Variants in C6orf132 observed in about 807,000 individuals in gnomAD.
C6orf132 encodes chromosome 6 open reading frame 132.
Under a neutral mutation model 65.3 loss-of-function variants are expected in C6orf132, and 43 were observed. The observed-to-expected ratio is 0.66, with a 90% CI of 0.52 to 0.85. The LOEUF is 0.85. Ranked by LOEUF, C6orf132 falls within the 40% of genes least tolerant of loss-of-function variation. C6orf132 has a pLI of 0.00. For missense variants in C6orf132, 1,488 were observed against 1,548.8 expected, an observed-to-expected ratio of 0.96 and a Z score of 0.66; for synonymous variants, 631 against 654.1, an observed-to-expected ratio of 0.96 and a Z score of 0.54.
intron 2 of C6orf132, among the ~76,000 whole-genome samples, chr6:42,121,061 G>A (rs1766675867): frequency 6.6e-6 from 1 of 152,198 alleles, no homozygotes; most frequent in African/African-American, 2.4e-5. Context: ...CAAGAAGTGT[G>A]TCCCTTTCTT....
At chr6:42,136,282 C>T (rs1766940480) in intron 1 of C6orf132, among the ~76,000 whole-genome samples, 1 of 151,986 alleles carries the variant, frequency 6.6e-6, no homozygotes, top group Non-Finnish European at 1.5e-5. Flanking sequence ...GCTGTTTCCC[C>T]ACCTGTAAAA....
Position 42,102,908 on chromosome 6 carries a change from G to GC in C6orf132, c.*852dup, listed in dbSNP as rs1766315915. ...CCCATATGAGACCTGGCCATGTAAGGCCCCTAGTGTCAAGCCTAAGACTCA... is the reference window on the plus strand; with the variant it reads ...CCCATATGAGACCTGGCCATGTAAGGCCCCCTAGTGTCAAGCCTAAGACTCA... On this transcript the variant is annotated 3_prime_UTR_variant, in exon 5 of 5. Transcript: ENST00000341865. 5.0e-6 allele frequency: 2 copies of GC among 396,970 alleles called. No homozygotes were observed. The highest frequency in any genetic ancestry group is 8.8e-5 in the Admixed American group (2 of 22,684). The allele number at this position is 396,970 out of a possible 1,614,324, so 24.6% of individuals were successfully genotyped here.
chr6:42,135,436 G>A (rs1034848584), intron 1 of C6orf132, among the ~76,000 whole-genome samples: 21 of 152,220 alleles, frequency 1.4e-4, no homozygotes, highest in Admixed American at 1.3e-3. Context: ...AGCTCCGGGC[G>A]AGCTGAGAGC....
chr6:42,108,002 G>C (rs537917217), intron 3 of C6orf132, among the ~76,000 whole-genome samples: 2 of 152,268 alleles, frequency 1.3e-5, no homozygotes, highest in South Asian at 4.1e-4. Flanking sequence ...AGGTCCTGTC[G>C]GGGTGTCCCT....
At chr6:42,118,615 T>G (rs1296807152) in intron 2 of C6orf132, among the ~76,000 whole-genome samples, 1 of 152,210 alleles carries the variant, frequency 6.6e-6, no homozygotes, top group Non-Finnish European at 1.5e-5. Flanking sequence ...AGCGTGCTCC[T>G]GGTGGGCCTG....
intron 2 of C6orf132, among the ~76,000 whole-genome samples, chr6:42,119,196 C>T (rs1390507013): frequency 7.9e-6 from 1 of 125,882 alleles, no homozygotes; most frequent in East Asian, 2.7e-4. Flanking sequence ...TTGCAGTGAG[C>T]TGAGATTGCG....
rs966077790 is a variant in C6orf132, at chr6:42,104,784, G to A, written c.3128C>T (p.Ala1043Val). The change falls in exon 4 of 5, where the codon GCG becomes GTG. Residue 1043 changes from alanine (A) to valine (V), a missense_variant. Coordinates refer to ENST00000341865, the MANE Select transcript of C6orf132 (RefSeq NM_001164446.3). The surrounding 1 kb of genome is among the most constrained non-coding windows in gnomAD (Gnocchi z 4.1). Reference protein sequence around the residue: ...ALGFSRFPAGARYAGAGGLER... With the variant: ...ALGFSRFPAGVRYAGAGGLER... ...CAGGCCCCCAGCCCCGGCGTAGCGC[G>A]CGCCCGCGGGAAAGCGCGAGAAGCC... 1.3e-6 allele frequency: 2 copies of A among 1,501,144 alleles called. No individual in the cohort carries two copies. Among genetic ancestry groups the A allele is most frequent in the Non-Finnish European group, 1.8e-6 (2 of 1,132,274 alleles). 93.0% of individuals were successfully genotyped at this position (1,501,144 alleles called of 1,614,324 possible).
intron 2 of C6orf132, among the ~76,000 whole-genome samples, chr6:42,115,470 C>T (rs1766551563): frequency 6.6e-6 from 1 of 150,904 alleles, no homozygotes; most frequent in Admixed American, 6.6e-5. Flanking sequence ...CACGGCGAAA[C>T]CCCGCCTCTA....
Position 42,127,653 on chromosome 6 carries a change from G to A in C6orf132, c.252+1019C>T, listed in dbSNP as rs146493609. ...ACCCTCATGGAGGCAAGAGGATGCC[G>A]TGACCCCAGTGACAGCATTGTGCCA... On this transcript the variant is annotated intron_variant, in intron 2 of 4. Transcript: ENST00000341865. 1.3e-3 allele frequency among the ~76,000 whole-genome samples: 204 copies of A among 152,260 alleles called. 2 individuals are homozygous for A. The highest frequency in any genetic ancestry group is 4.6e-3 in the African/African-American group (192 of 41,546).
At chr6:42,117,923 C>CAAAAAAAAAAAAAAAAAAAAAAAAAAAAA (rs556142891) in intron 2 of C6orf132, among the ~76,000 whole-genome samples, 1 of 62,320 alleles carries the variant, frequency 1.6e-5, no homozygotes, top group African/African-American at 6.0e-5. Context: ...AACCCTGTCA[C>CAAAAAAAAAAAAAAAAAAAAAAAAAAAAA]AAAAAAAAAA....
intron 1 of C6orf132, among the ~76,000 whole-genome samples, chr6:42,134,190 G>A (rs1306571189): frequency 6.6e-6 from 1 of 152,174 alleles, no homozygotes. Context: ...TTAGAGCCCA[G>A]CTGAACTTGG....
intron 2 of C6orf132, among the ~76,000 whole-genome samples, chr6:42,119,419 A>G (rs1766644008): frequency 7.7e-6 from 1 of 129,380 alleles, no homozygotes; most frequent in Non-Finnish European, 1.5e-5. Context: ...ATTTCGGCTC[A>G]CTGCAAACTC....
At chr6:42,103,969 C>T (rs774705299) in intron 4 of C6orf132, 91 bp from the exon 5 acceptor site, 23 of 886,872 alleles carry the variant, frequency 2.6e-5, no homozygotes, top group Non-Finnish European at 3.4e-5. Flanking sequence ...GGAAAAGATG[C>T]TGCTCATACT....
chr6:42,111,866 A>G (rs1333684455), intron 2 of C6orf132, among the ~76,000 whole-genome samples: 1 of 152,184 alleles, frequency 6.6e-6, no homozygotes, highest in African/African-American at 2.4e-5. Flanking sequence ...CCATATGTCA[A>G]CAAAGTCCAC....
At chr6:42,111,552 G>T (rs543138221) in intron 2 of C6orf132, among the ~76,000 whole-genome samples, 2 of 152,094 alleles carry the variant, frequency 1.3e-5, no homozygotes, top group African/African-American at 4.8e-5. Context: ...AAAGTGCTGG[G>T]ATTACAGGTG....
rs903594200 is a variant in C6orf132 at position 42,101,650 on chromosome 6, A to G, written c.*2111T>C. ...CTGAGAGTCTACGCCCCACCCCTCG[A>G]GCCTTAACATAGCAGATAAATTAAT... On this transcript the variant is annotated 3_prime_UTR_variant, in exon 5 of 5. Transcript: ENST00000341865. The G allele has an allele frequency of 6.6e-6, 1 of 152,172 alleles. No homozygotes were observed. Among genetic ancestry groups the G allele is most frequent in the African/African-American group, 2.4e-5 (1 of 41,418 alleles). The allele number at this position is 152,172 out of a possible 1,614,324, so 9.4% of individuals were successfully genotyped here.
At chr6:42,123,485 AGAAGAAGAAAAG>A (rs1433188102) in intron 2 of C6orf132, among the ~76,000 whole-genome samples, 8 of 139,864 alleles carry the variant, frequency 5.7e-5, no homozygotes, top group Non-Finnish European at 1.1e-4. Flanking sequence ...AAGGAGAAGA[AGAAGAAGAAAAG>A]AAGAAAGAAG....
intron 2 of C6orf132, among the ~76,000 whole-genome samples, chr6:42,110,796 A>G (rs1333722308): frequency 6.6e-6 from 1 of 152,252 alleles, no homozygotes; most frequent in Non-Finnish European, 1.5e-5. Context: ...CCTCTTGTTC[A>G]GCTGGGAACA....
Position 42,124,952 on chromosome 6 carries a change from A to G in C6orf132, c.252+3720T>C, listed in dbSNP as rs1766742320. Among the ~76,000 whole-genome samples, 2 of 152,232 alleles carry G rather than the reference A, an allele frequency of 1.3e-5. No individual in the cohort carries two copies. The highest frequency in any genetic ancestry group is 2.9e-5 in the Non-Finnish European group (2 of 68,038). ...CCCTGTGATGTGGGCCACTGGGCCA[A>G]GGGTTCCTAATCTAAAGGCATATCA... On this transcript the variant is annotated intron_variant, in intron 2 of 4. Transcript: ENST00000341865. The surrounding 1 kb of genome is among the most constrained non-coding windows in gnomAD (Gnocchi z 4.0).
Sources: allele counts gnomAD v4.1 joint callset (sites outside exome capture counted in the v4.1 genomes callset), GRCh38; gene constraint gnomAD v4.1.1; non-coding constraint Gnocchi (gnomAD v3.1); transcripts MANE v1.5; gene names NCBI Gene and HGNC (gene_info 2026-07-23, HGNC 2026-07-21).